ERI3: variants seen among roughly 807,000 people sequenced by gnomAD.
The protein encoded by ERI3 is ERI1 exoribonuclease 3.
ERI3 carries 18 observed loss-of-function variants against 44.4 expected under a neutral mutation model. The ratio of observed to expected loss-of-function variants is 0.41; its 90% CI spans 0.28 to 0.60. The LOEUF (loss-of-function observed/expected upper bound fraction) is 0.60. ERI3 is among the 20% of genes least tolerant of loss of function. The pLI is 0.36. For missense variants in ERI3, 294 were observed against 435.5 expected, an observed-to-expected ratio of 0.68 and a Z score of 2.89; for synonymous variants, 183 against 164.8, an observed-to-expected ratio of 1.11 and a Z score of -0.84.
chr1:44,330,786 GA>G (rs2154330340), intron 3 of ERI3, among the ~76,000 whole-genome samples: 1 of 152,222 alleles, frequency 6.6e-6, no homozygotes, highest in South Asian at 2.1e-4. Flanking sequence ...GAACACCCAG[GA>G]TAAGAGGATA....
At chr1:44,265,921 G>A (rs1197369809) in intron 7 of ERI3, among the ~76,000 whole-genome samples, 1 of 151,970 alleles carries the variant, frequency 6.6e-6, no homozygotes, top group Non-Finnish European at 1.5e-5. Context: ...CTTTTAGTGG[G>A]GACAAAAATC....
At chr1:44,353,550 A>T (rs1646938626) in intron 1 of ERI3, 1 of 985,300 alleles carries the variant, frequency 1.0e-6, no homozygotes, top group South Asian at 4.7e-5. Context: ...GAACTAATAT[A>T]TTCCTGTCTA....
intron 7 of ERI3, 135 bp from the exon 8 acceptor site, chr1:44,248,173 T>C: frequency 1.7e-6 from 1 of 582,482 alleles, no homozygotes; most frequent in Non-Finnish European, 3.0e-6. Flanking sequence ...GAGAGTCCCT[T>C]CTCCACCCAG....
Position 44,354,949 on chromosome 1 carries a change from G to A in ERI3, c.78C>T (p.Ala26=). ...WEGGLVSWPP[A]PPLTLPWTWM... is the part of the protein sequence containing the mutation. ...AAGTCCAGGGGAGAGTAAGGGGAGG[G>A]GCGGGGGGCCAGGAGACCAGCCCTC... The change falls in exon 1 of 9, where the codon GCC becomes GCT. Residue 26 remains alanine (A), a synonymous_variant. Coordinates refer to ENST00000372257, the MANE Select transcript of ERI3 (RefSeq NM_024066.3). 7.5e-7 allele frequency: 1 copy of A among 1,341,910 alleles called. No homozygotes were observed. Among genetic ancestry groups the A allele is most frequent in the Non-Finnish European group, 9.6e-7 (1 of 1,039,008 alleles). The allele number at this position is 1,341,910 out of a possible 1,614,324, so 83.1% of individuals were successfully genotyped here. A position where few individuals can be genotyped will look rare whatever the true frequency, so the allele number is the denominator to read the frequency against.
intron 6 of ERI3, among the ~76,000 whole-genome samples, chr1:44,290,406 T>C (rs1020266706): frequency 5.9e-5 from 9 of 152,078 alleles, no homozygotes; most frequent in African/African-American, 2.2e-4. Context: ...GAGGGGTGGG[T>C]GGGCTTGCTT....
rs1340765518 is a variant in ERI3, at chr1:44,336,176, T to G, written c.489+2869A>C. On this transcript the variant is annotated intron_variant, in intron 3 of 8. Coordinates refer to ENST00000372257, the MANE Select transcript of ERI3 (RefSeq NM_024066.3). ...CACTTCCCTTGTTGACCAGAAGACC[T>G]AAACAGCACAGGGGCTCTAATAAGA... is the stretch of plus-strand genomic sequence containing the variant. Among the ~76,000 whole-genome samples, 2 of 152,212 alleles carry G rather than the reference T, an allele frequency of 1.3e-5. 1 individual carries two copies. Among genetic ancestry groups the G allele is most frequent in the Admixed American group, 1.3e-4 (2 of 15,288 alleles).
chr1:44,306,267 C>G (rs1645830553), intron 6 of ERI3, among the ~76,000 whole-genome samples: 1 of 152,184 alleles, frequency 6.6e-6, no homozygotes, highest in Non-Finnish European at 1.5e-5. Flanking sequence ...CTACCCATCT[C>G]TTTTGGAAAC....
chr1:44,292,214 G>A (rs1219526378), intron 6 of ERI3, among the ~76,000 whole-genome samples: 1 of 151,984 alleles, frequency 6.6e-6, no homozygotes, highest in Non-Finnish European at 1.5e-5. Flanking sequence ...GACAGGAAAA[G>A]GGAAAGTTCC....
chr1:44,277,892 A>G (rs1309157222), intron 7 of ERI3, among the ~76,000 whole-genome samples: 2 of 152,256 alleles, frequency 1.3e-5, no homozygotes, highest in African/African-American at 4.8e-5. Context: ...TGCGAGGACT[A>G]GACAATGTAG....
At chr1:44,262,172 A>C (rs894098210) in intron 7 of ERI3, among the ~76,000 whole-genome samples, 1 of 152,130 alleles carries the variant, frequency 6.6e-6, no homozygotes, top group Non-Finnish European at 1.5e-5. Flanking sequence ...TGACAAGGAC[A>C]ATAACCCCCA....
At position 44,228,979 on chromosome 1, in the gene ERI3, C is replaced by T. The variant is rs1486846986; in HGVS notation, c.932-7339G>A. ...GAGGACAGAAACCACGTTGGGCAGC[C>T]AGGGAGGTCCACAAGAGGAGGTGGA... On this transcript the variant is annotated intron_variant, in intron 8 of 8. Coordinates refer to ENST00000372257, the MANE Select transcript of ERI3 (RefSeq NM_024066.3). This position sits in a 1 kb window ranked among gnomAD's most constrained non-coding sequence, Gnocchi z 4.3. Among the ~76,000 whole-genome samples, 1 of 152,336 alleles carries T rather than the reference C, an allele frequency of 6.6e-6. No individual in the cohort carries two copies. The highest frequency in any genetic ancestry group is 2.4e-5 in the African/African-American group (1 of 41,564).
At chr1:44,303,499 G>A (rs1645769441) in intron 6 of ERI3, among the ~76,000 whole-genome samples, 1 of 152,140 alleles carries the variant, frequency 6.6e-6, no homozygotes, top group Non-Finnish European at 1.5e-5. Flanking sequence ...CTTGTCCTAG[G>A]GTTACAACAG....
intron 2 of ERI3, among the ~76,000 whole-genome samples, chr1:44,345,938 G>C (rs1490897762): frequency 6.6e-6 from 1 of 152,202 alleles, no homozygotes; most frequent in Non-Finnish European, 1.5e-5. Flanking sequence ...CCAACACAAG[G>C]AAAAGGCCTC....
At chr1:44,279,505 T>C (rs1162491555) in intron 7 of ERI3, among the ~76,000 whole-genome samples, 1 of 152,180 alleles carries the variant, frequency 6.6e-6, no homozygotes, top group African/African-American at 2.4e-5. Flanking sequence ...GGATTACAGG[T>C]ATAAGCCACC....
Position 44,221,087 on chromosome 1 carries a change from C to T in ERI3, c.*471G>A. ...CACACAGATGGCTTTGCACACACAC[C>T]CAGTGCCTCGTTTCCCCGACTTTAT... On this transcript the variant is annotated 3_prime_UTR_variant, in exon 9 of 9. Transcript: ENST00000372257. The surrounding 1 kb of genome is among the most constrained non-coding windows in gnomAD (Gnocchi z 5.9). 1 of 273,882 alleles carries T rather than the reference C, an allele frequency of 3.7e-6. No individual in the cohort carries two copies. The highest frequency in any genetic ancestry group is 4.5e-5 in the South Asian group (1 of 22,068). 17.0% of individuals were successfully genotyped at this position (273,882 alleles called of 1,614,324 possible).
At chr1:44,352,303 A>G (rs1329582298) in intron 2 of ERI3, among the ~76,000 whole-genome samples, 8 of 152,178 alleles carry the variant, frequency 5.3e-5, no homozygotes, top group Admixed American at 5.2e-4. Context: ...GCCAAACGAG[A>G]GCCAGGTGTA....
At chr1:44,336,700 A>G (rs369323074) in intron 3 of ERI3, among the ~76,000 whole-genome samples, 4 of 152,256 alleles carry the variant, frequency 2.6e-5, no homozygotes, top group Non-Finnish European at 5.9e-5. Context: ...TAACGGGTCT[A>G]TAATTTCCAA....
chr1:44,244,721 C>T (rs1644517160), intron 8 of ERI3, among the ~76,000 whole-genome samples: 2 of 152,078 alleles, frequency 1.3e-5, no homozygotes, highest in South Asian at 2.1e-4. Context: ...CCAACACTGA[C>T]CATGTAACTC....
chr1:44,347,459 C>T (rs1053736877), intron 2 of ERI3, among the ~76,000 whole-genome samples: 1 of 152,154 alleles, frequency 6.6e-6, no homozygotes, highest in East Asian at 1.9e-4. Context: ...CCAAATGTGA[C>T]GTTTCCTTTT....
Sources: gnomAD v4.1 joint callset for allele counts (sites outside exome capture counted in the v4.1 genomes callset) on GRCh38, gnomAD v4.1.1 for gene constraint, Gnocchi (gnomAD v3.1) non-coding constraint, MANE v1.5 for transcripts, NCBI Gene and HGNC (gene_info 2026-07-23, HGNC 2026-07-21) for gene names.